Variants in GPC6 observed in about 807,000 individuals in gnomAD.
The protein encoded by GPC6 is glypican-6.
GPC6 carries 14 observed loss-of-function variants against 55.2 expected under a neutral mutation model. The observed-to-expected ratio is 0.25, with a 90% CI of 0.17 to 0.40. The LOEUF (loss-of-function observed/expected upper bound fraction) is 0.40. GPC6 is among the 10% of genes least tolerant of loss of function. The probability of loss-of-function intolerance (pLI) is 1.00; values close to 1 mark genes in which losing one functional copy is unlikely to be tolerated. For synonymous variants in GPC6, 278 were observed against 259.6 expected (o/e 1.07, Z -0.68); for missense variants, 641 against 708.5 (o/e 0.90, Z 1.08).
intron 2 of GPC6, among the ~76,000 whole-genome samples, chr13:93,561,016 G>C (rs964218016): frequency 6.6e-6 from 1 of 152,092 alleles, no homozygotes; most frequent in Non-Finnish European, 1.5e-5. Flanking sequence ...AACCTCACAT[G>C]TGACGTCTCT....
intron 1 of GPC6, among the ~76,000 whole-genome samples, chr13:93,457,710 C>G (rs543292594): frequency 1.9e-4 from 29 of 148,986 alleles, no homozygotes; most frequent in Non-Finnish European, 3.5e-4. Flanking sequence ...AAATGTATCA[C>G]ATTCCTCACT....
rs528209592 is a variant in GPC6, at chr13:93,370,303, C to T, written c.160+142687C>T. ...CTGATAAAGAAATAGAGCCTTCTGC[C>T]GCTATTCTTTACATATGACAAACAT... is the stretch of plus-strand genomic sequence containing the variant. On this transcript the variant is annotated intron_variant, in intron 1 of 8. Coordinates refer to ENST00000377047, the MANE Select transcript of GPC6 (RefSeq NM_005708.5). Among the ~76,000 whole-genome samples the T allele has an allele frequency of 1.8e-4, 28 of 152,178 alleles. No individual in the cohort carries two copies. The South Asian group carries it at 3.7e-3, about 20-fold the overall frequency.
chr13:93,463,305 T>C (rs1029519828), intron 1 of GPC6, among the ~76,000 whole-genome samples: 10 of 152,178 alleles, frequency 6.6e-5, no homozygotes, highest in Non-Finnish European at 2.9e-5. Context: ...AAATAACATC[T>C]AAAGATCTGT....
chr13:94,256,861 T>A (rs1307162690), intron 4 of GPC6, among the ~76,000 whole-genome samples: 1 of 152,210 alleles, frequency 6.6e-6, no homozygotes, highest in African/African-American at 2.4e-5. Flanking sequence ...AGTTCTTTTT[T>A]AGACTGAACA....
chr13:93,561,403 CGA>C (rs1875785261), intron 2 of GPC6, among the ~76,000 whole-genome samples: 2 of 55,010 alleles, frequency 3.6e-5, no homozygotes, highest in Admixed American at 3.3e-4. Flanking sequence ...ATATCCCTAT[CGA>C]TATATATATA....
At chr13:93,466,135 C>T (rs924270262) in intron 1 of GPC6, among the ~76,000 whole-genome samples, 1 of 150,038 alleles carries the variant, frequency 6.7e-6, no homozygotes, top group African/African-American at 2.4e-5. Context: ...GACACATAGG[C>T]ATGCCATGAG....
At chr13:93,492,448 A>G (rs1227587451) in intron 1 of GPC6, among the ~76,000 whole-genome samples, 1 of 150,278 alleles carries the variant, frequency 6.7e-6, no homozygotes, top group African/African-American at 2.5e-5. Flanking sequence ...TTCTGGATAA[A>G]CAATCATGTC....
intron 1 of GPC6, among the ~76,000 whole-genome samples, chr13:93,463,204 G>A (rs1407679131): frequency 6.6e-6 from 1 of 152,152 alleles, no homozygotes; most frequent in Non-Finnish European, 1.5e-5. Context: ...TTTGGCAAAT[G>A]CATGAGTTTC....
At position 93,339,574 on chromosome 13, in the gene GPC6, C is replaced by T. The variant is rs149977875; in HGVS notation, c.160+111958C>T. Among the ~76,000 whole-genome samples, 6 of 152,280 alleles carry T rather than the reference C, an allele frequency of 3.9e-5. No homozygotes were observed. The East Asian group carries it at 9.6e-4, about 24-fold the overall frequency. Reference sequence around the variant, plus strand: ...GAATGCATGAGCCCCCAGGTCTACACTGAGGTTAGGAACTGACAGTGAATT... The same window carrying T: ...GAATGCATGAGCCCCCAGGTCTACATTGAGGTTAGGAACTGACAGTGAATT... On this transcript the variant is annotated intron_variant, in intron 1 of 8. Transcript: ENST00000377047.
At chr13:93,427,022 T>C (rs1877157060) in intron 1 of GPC6, among the ~76,000 whole-genome samples, 1 of 150,710 alleles carries the variant, frequency 6.6e-6, no homozygotes, top group Non-Finnish European at 1.5e-5. Context: ...ATTTTTTGGC[T>C]GCATAAATGT....
chr13:93,709,407 A>T (rs1376234315), intron 2 of GPC6, among the ~76,000 whole-genome samples: 2 of 150,402 alleles, frequency 1.3e-5, no homozygotes, highest in African/African-American at 4.9e-5. Context: ...AACCTTACAT[A>T]TTTTTTTTTG....
chr13:93,814,877 C>T (rs529237853), intron 2 of GPC6, among the ~76,000 whole-genome samples: 2 of 152,192 alleles, frequency 1.3e-5, no homozygotes, highest in African/African-American at 4.8e-5. Context: ...AGATTCATTA[C>T]CATCAGCAGT....
At chr13:94,324,771 T>C (rs1163312774) in intron 6 of GPC6, among the ~76,000 whole-genome samples, 1 of 152,020 alleles carries the variant, frequency 6.6e-6, no homozygotes, top group African/African-American at 2.4e-5. Flanking sequence ...AAATGCAGCA[T>C]AGTTCCAGAT....
At chr13:93,241,869 A>G (rs1876443011) in intron 1 of GPC6, among the ~76,000 whole-genome samples, 1 of 151,100 alleles carries the variant, frequency 6.6e-6, no homozygotes, top group African/African-American at 2.4e-5. Flanking sequence ...TAATGTGTAT[A>G]GTTTATGATT....
chr13:93,713,883 T>C (rs1053465859), intron 2 of GPC6, among the ~76,000 whole-genome samples: 3 of 151,754 alleles, frequency 2.0e-5, no homozygotes, highest in Non-Finnish European at 2.9e-5. Flanking sequence ...CAGGATCTCA[T>C]GCAGAAGAAT....
At chr13:93,219,322 G>C in the GPC6 span, among the ~76,000 whole-genome samples, 1 of 152,204 alleles carries the variant, frequency 6.6e-6, no homozygotes, top group East Asian at 1.9e-4. Context: ...TTGAACTCCT[G>C]ATCTCATGAT....
At chr13:93,820,157 T>C (rs1386117518) in intron 2 of GPC6, among the ~76,000 whole-genome samples, 1 of 152,216 alleles carries the variant, frequency 6.6e-6, no homozygotes, top group Non-Finnish European at 1.5e-5. Flanking sequence ...GGTTGTATAC[T>C]GATGACTTTT....
intron 2 of GPC6, among the ~76,000 whole-genome samples, chr13:93,798,009 T>C (rs1886254838): frequency 6.6e-6 from 1 of 152,098 alleles, no homozygotes; most frequent in Non-Finnish European, 1.5e-5. Flanking sequence ...GGAAAGGCAG[T>C]AGAATAATGA....
rs74109176 is a variant in GPC6 at position 93,990,549 on chromosome 13, T to A, written c.712-37180T>A. Among the ~76,000 whole-genome samples, 715 of 152,154 alleles carry A rather than the reference T, an allele frequency of 4.7e-3. 7 individuals are homozygous for A. Among genetic ancestry groups the A allele is most frequent in the African/African-American group, 0.015 (619 of 41,514 alleles). On this transcript the variant is annotated intron_variant, in intron 3 of 8. Transcript: ENST00000377047. ...AGTGGAGATGTGGCCTATGGTAACA[T>A]CTTGTCAGTAAAGAAACCACAGTTG...
Sources: allele counts gnomAD v4.1 joint callset (sites outside exome capture counted in the v4.1 genomes callset), GRCh38; gene constraint gnomAD v4.1.1; transcripts MANE v1.5; gene names NCBI Gene and HGNC (gene_info 2026-07-23, HGNC 2026-07-21).